The following CHFR variants were observed in gnomAD, a reference collection of about 807,000 sequenced individuals.
The protein encoded by CHFR is checkpoint with forkhead and ring finger domains.
CHFR carries 57 observed loss-of-function variants against 87.6 expected under a neutral mutation model. The observed-to-expected ratio is 0.65, with a 90% CI of 0.53 to 0.81. The LOEUF (loss-of-function observed/expected upper bound fraction) is 0.81. Among genes scored for constraint, CHFR ranks in the 30% least tolerant of loss-of-function variants. The pLI is 0.00. For synonymous variants in CHFR, 381 were observed against 359.2 expected (o/e 1.06, Z -0.69); for missense variants, 797 against 865.8 (o/e 0.92, Z 1.00).
Position 132,838,457 on chromosome 12 carries a change from C to G in CHFR, c.*3097G>C, listed in dbSNP as rs1950664265. On this transcript the variant is annotated 3_prime_UTR_variant, in exon 18 of 18. Transcript: ENST00000450056. ...TGAGGCCCCCTTCCCTGGCTTGGAGCCTGGGCAGCACACGGAGGGGTGGGC... is the reference window on the plus strand; with the variant it reads ...TGAGGCCCCCTTCCCTGGCTTGGAGGCTGGGCAGCACACGGAGGGGTGGGC... The G allele has an allele frequency of 6.6e-6, 1 of 152,444 alleles. No homozygotes were observed. Among genetic ancestry groups the G allele is most frequent in the African/African-American group, 2.4e-5 (1 of 41,430 alleles). 9.4% of individuals were successfully genotyped at this position (152,444 alleles called of 1,614,324 possible).
At chr12:132,874,081 T>C (rs1302778913) in intron 3 of CHFR, among the ~76,000 whole-genome samples, 1 of 152,204 alleles carries the variant, frequency 6.6e-6, no homozygotes, top group African/African-American at 2.4e-5. Context: ...AGAGAACAAA[T>C]TCTCCCCTGG....
chr12:132,853,502 G>A lies in CHFR; in HGVS notation c.1301C>T (p.Ala434Val). The change falls in exon 11 of 18, where the codon GCA becomes GTA. Residue 434 changes from alanine to valine, a missense_variant. Transcript: ENST00000450056. ...TGGGGCTCCTGGCTCGCCCTCGGGT[G>A]CTGGGCAGTGGGGAGGCTGCGCCGC... ...RQAAQPPHCP[A>V]PEGEPGAPQA... The A allele has an allele frequency of 2.0e-6, 3 of 1,535,334 alleles. No individual in the cohort carries two copies. The highest frequency in any genetic ancestry group is 2.1e-5 in the Admixed American group (1 of 46,544).
chr12:132,848,116 T>C lies in CHFR; in HGVS notation c.1616A>G (p.Asn539Ser). The C allele has an allele frequency of 6.2e-7, 1 of 1,614,130 alleles. No individual in the cohort carries two copies. Among genetic ancestry groups the C allele is most frequent in the Non-Finnish European group, 8.5e-7 (1 of 1,180,028 alleles). ...GATGTCTGACTCGTAGCTGTTGTTG[T>C]TCAGCACGCCGTCCAGACACTTGTC... is the stretch of plus-strand genomic sequence containing the variant. ...LGDKCLDGVL[N>S]NNSYESDILK... The change falls in exon 14 of 18, where the codon AAC becomes AGC. Residue 539 changes from asparagine to serine, a missense_variant. This residue lies in a region of CHFR where 200 missense variants were observed against 264.6 expected (regional missense o/e 0.76). Coordinates refer to ENST00000450056, the MANE Select transcript of CHFR (RefSeq NM_001161346.2).
intron 15 of CHFR, among the ~76,000 whole-genome samples, chr12:132,844,691 C>T (rs1033157729): frequency 6.6e-6 from 1 of 151,406 alleles, no homozygotes; most frequent in Non-Finnish European, 1.5e-5. Context: ...AGTGCAGTGG[C>T]GGGGTCTCAG....
rs1951074170 is a variant in CHFR, at chr12:132,856,556, T to G, written c.1141A>C (p.Lys381Gln). 3 of 1,614,230 alleles carry G rather than the reference T, an allele frequency of 1.9e-6. No individual in the cohort carries two copies. The highest frequency in any genetic ancestry group is 2.5e-6 in the Non-Finnish European group (3 of 1,180,034). ...NKITQDMLQP[K>Q]VRRSFSDEEG... ...TCATCAGAAAAAGACCGCCTGACTT[T>G]GGGCTGCAGCATGTCTTGAGTGATT... is the stretch of plus-strand genomic sequence containing the variant. Residue 381 changes from lysine (K) to glutamine (Q), a missense_variant, in exon 10 of 18, where the codon AAA becomes CAA. By Grantham distance (53) the Lys-to-Gln change is moderately conservative. This residue lies in a region of CHFR where 597 missense variants were observed against 601.2 expected (regional missense o/e 0.99). Coordinates refer to ENST00000450056, the MANE Select transcript of CHFR (RefSeq NM_001161346.2).
At chr12:132,875,468 C>G (rs1204139364) in intron 3 of CHFR, among the ~76,000 whole-genome samples, 2 of 151,922 alleles carry the variant, frequency 1.3e-5, no homozygotes, top group Non-Finnish European at 2.9e-5. Flanking sequence ...ATTGTGAAAC[C>G]CCATCTGAGC....
intron 13 of CHFR, 141 bp downstream of exon 13, chr12:132,848,500 A>G: frequency 2.8e-6 from 2 of 716,348 alleles, no homozygotes; most frequent in Non-Finnish European, 4.8e-6. Context: ...CAGTCCAGCC[A>G]GGAATAGGTA....
chr12:132,861,033 G>A (rs566779320), intron 7 of CHFR, among the ~76,000 whole-genome samples: 3 of 152,280 alleles, frequency 2.0e-5, no homozygotes, highest in South Asian at 2.1e-4. Flanking sequence ...GATTATAGGC[G>A]GGAGCCACGG....
At chr12:132,862,288 T>A (rs959688551) in intron 6 of CHFR, 5 of 238,040 alleles carry the variant, frequency 2.1e-5, no homozygotes, top group East Asian at 3.2e-4. Flanking sequence ...GAAAAAAAAA[T>A]AAAAATAAAA....
chr12:132,872,462 G>C lies in CHFR; in HGVS notation c.234-68C>G, dbSNP rs968669011. On this transcript the variant is annotated intron_variant, in intron 3 of 17. Coordinates refer to ENST00000450056, the MANE Select transcript of CHFR (RefSeq NM_001161346.2). ...TTGGAGTTACAAGATTTTTTTTCTA[G>C]CACCATTAGCAAGCAGCTCGATATG... 5 of 1,104,606 alleles carry C rather than the reference G, an allele frequency of 4.5e-6. No homozygotes were observed. In the Admixed American group the frequency reaches 9.1e-5, roughly 20 times the overall value. 68.4% of individuals were successfully genotyped at this position (1,104,606 alleles called of 1,614,324 possible). A position where few individuals can be genotyped will look rare whatever the true frequency, so the allele number is the denominator to read the frequency against.
chr12:132,837,123 T>G lies in CHFR; in HGVS notation c.*4431A>C, dbSNP rs1026882257. On this transcript the variant is annotated 3_prime_UTR_variant, in exon 18 of 18. Transcript: ENST00000450056. ...TTCGGTGGAGAAGCAGAGGAACACCTGAGGGGCTCCAGGAGAAGCAGGTAG... is the reference window on the plus strand; with the variant it reads ...TTCGGTGGAGAAGCAGAGGAACACCGGAGGGGCTCCAGGAGAAGCAGGTAG... 1 of 296,968 alleles carries G rather than the reference T, an allele frequency of 3.4e-6. No homozygotes were observed. Among genetic ancestry groups the G allele is most frequent in the African/African-American group, 2.2e-5 (1 of 44,786 alleles). 18.4% of individuals were successfully genotyped at this position (296,968 alleles called of 1,614,324 possible).
chr12:132,881,142 C>T (rs1951759550), intron 2 of CHFR, among the ~76,000 whole-genome samples: 1 of 151,838 alleles, frequency 6.6e-6, no homozygotes, highest in African/African-American at 2.4e-5. Context: ...GTAGCATGCA[C>T]CTGTAATCCC....
intron 11 of CHFR, among the ~76,000 whole-genome samples, chr12:132,852,924 C>G (rs1950978444): frequency 6.6e-6 from 1 of 152,220 alleles, no homozygotes; most frequent in African/African-American, 2.4e-5. Context: ...CTCCATACCC[C>G]CTGCCCAGCT....
chr12:132,886,961 T>C (rs574563095), intron 2 of CHFR, among the ~76,000 whole-genome samples: 19 of 152,366 alleles, frequency 1.2e-4, no homozygotes, highest in African/African-American at 4.6e-4. Context: ...CAATATTGCA[T>C]TCTGGAGAGT....
At chr12:132,863,600 G>A (rs1050554348) in intron 6 of CHFR, among the ~76,000 whole-genome samples, 1 of 152,108 alleles carries the variant, frequency 6.6e-6, no homozygotes, top group Admixed American at 6.5e-5. Context: ...AGCTTCCAAC[G>A]GGTGGAGATG....
chr12:132,847,271 G>A (rs1457287711), intron 14 of CHFR, 141 bp from the exon 15 acceptor site: 2 of 1,428,824 alleles, frequency 1.4e-6, no homozygotes, highest in Admixed American at 2.6e-5. Flanking sequence ...CATTTGCAGA[G>A]GGCTGCACGT....
At chr12:132,847,440 A>T in intron 14 of CHFR, 3 of 1,143,978 alleles carry the variant, frequency 2.6e-6, no homozygotes, top group Non-Finnish European at 3.3e-6. Flanking sequence ...CACACAGCCC[A>T]GCAACGAGCC....
intron 2 of CHFR, among the ~76,000 whole-genome samples, chr12:132,882,201 A>G (rs1185972896): frequency 1.3e-5 from 2 of 152,188 alleles, no homozygotes; most frequent in Non-Finnish European, 2.9e-5. Context: ...ACAGAACACT[A>G]CCCGGTAACA....
intron 2 of CHFR, among the ~76,000 whole-genome samples, chr12:132,886,474 C>T (rs1951897624): frequency 6.6e-6 from 1 of 151,852 alleles, no homozygotes; most frequent in Non-Finnish European, 1.5e-5. Flanking sequence ...TTCAGACAAA[C>T]TAAACATTTT....
Sources: allele counts gnomAD v4.1 joint callset (sites outside exome capture counted in the v4.1 genomes callset), GRCh38; gene constraint gnomAD v4.1.1; regional missense constraint gnomAD v4.1.1; transcripts MANE v1.5; gene names NCBI Gene and HGNC (gene_info 2026-07-23, HGNC 2026-07-21).